GAN: variants seen among roughly 807,000 people sequenced by gnomAD.
GAN encodes the protein gigaxonin.
GAN carries 48 observed loss-of-function variants against 71.3 expected under a neutral mutation model. The observed-to-expected ratio is 0.67, with a 90% CI of 0.53 to 0.86. GAN has a LOEUF of 0.86. GAN is among the 40% of genes least tolerant of loss of function. GAN has a pLI of 0.00. For missense variants in GAN, 928 were observed against 770.1 expected, an observed-to-expected ratio of 1.21 and a Z score of -2.43; for synonymous variants, 386 against 276.8, an observed-to-expected ratio of 1.39 and a Z score of -3.92.
At chr16:81,355,469 A>G (rs527245618) in intron 3 of GAN, among the ~76,000 whole-genome samples, 4 of 152,194 alleles carry the variant, frequency 2.6e-5, no homozygotes, top group African/African-American at 7.2e-5. Flanking sequence ...GGCTGAAGTG[A>G]TCTTCCCACC....
At chr16:81,349,641 C>G (rs1317632782) in intron 1 of GAN, among the ~76,000 whole-genome samples, 1 of 152,092 alleles carries the variant, frequency 6.6e-6, no homozygotes, top group African/African-American at 2.4e-5. Context: ...GAGACCCTGT[C>G]TCAAAAACAA....
chr16:81,377,413 A>G lies in GAN; in HGVS notation c.1613-2A>G. 2 of 1,612,936 alleles carry G rather than the reference A, an allele frequency of 1.2e-6. No homozygotes were observed. The highest frequency in any genetic ancestry group is 1.7e-6 in the Non-Finnish European group (2 of 1,178,912). ...TCACCCTTGCTTATTTCTGTGGCTT[A>G]GGTACCAATTACGACTACGTGCGTG... On this transcript the variant is annotated splice_acceptor_variant, in intron 10 of 10. Transcript: ENST00000648994. LOFTEE classifies it high-confidence loss of function.
intron 9 of GAN, 50 bp from the exon 10 acceptor site, chr16:81,377,169 G>A (rs377656670): frequency 3.7e-6 from 4 of 1,073,628 alleles, no homozygotes; most frequent in Non-Finnish European, 5.8e-6. Context: ...CCTAGATGTT[G>A]TTGTCATCCT....
intron 1 of GAN, among the ~76,000 whole-genome samples, chr16:81,344,409 A>T (rs184395682): frequency 7.2e-4 from 110 of 152,320 alleles, no homozygotes; most frequent in African/African-American, 2.6e-3. Flanking sequence ...TGGTACTGGT[A>T]CCAAACAGAT....
rs1904344357 is a variant in GAN at position 81,384,446 on chromosome 16, T to G, written c.*6850T>G. The G allele has an allele frequency of 6.6e-6, 1 of 152,106 alleles. No individual in the cohort carries two copies. The highest frequency in any genetic ancestry group is 2.4e-5 in the African/African-American group (1 of 41,432). The allele number at this position is 152,106 out of a possible 1,614,324, so 9.4% of individuals were successfully genotyped here. On this transcript the variant is annotated 3_prime_UTR_variant, in exon 11 of 11. Transcript: ENST00000648994. ...AGGCTGTTTTCATAATGCAGAAAAG[T>G]AGTCTATTTAAACGCCACTGCTGTG... is the stretch of plus-strand genomic sequence containing the variant.
rs979159517 is a variant in GAN at position 81,378,339 on chromosome 16, T to C, written c.*743T>C. The C allele has an allele frequency of 1.3e-5, 2 of 152,768 alleles. No individual in the cohort carries two copies. The highest frequency in any genetic ancestry group is 4.8e-5 in the African/African-American group (2 of 41,444). 9.5% of individuals were successfully genotyped at this position (152,768 alleles called of 1,614,324 possible). A position where few individuals can be genotyped will look rare whatever the true frequency, so the allele number is the denominator to read the frequency against. On this transcript the variant is annotated 3_prime_UTR_variant, in exon 11 of 11. Transcript: ENST00000648994. ...ATCAAGACACGTCACGCATCCTTTCTGGGGTAGTACCTGTGGAGCCGGGAA... is the reference window on the plus strand; with the variant it reads ...ATCAAGACACGTCACGCATCCTTTCCGGGGTAGTACCTGTGGAGCCGGGAA...
intron 3 of GAN, among the ~76,000 whole-genome samples, chr16:81,355,315 C>A (rs770136736): frequency 1.8e-4 from 27 of 152,116 alleles, no homozygotes; most frequent in South Asian, 4.1e-4. Flanking sequence ...GCCTCTAGAT[C>A]CAAATTGTGA....
intron 5 of GAN, among the ~76,000 whole-genome samples, chr16:81,360,948 G>A (rs1395793250): frequency 1.3e-5 from 2 of 152,166 alleles, no homozygotes; most frequent in Non-Finnish European, 2.9e-5. Context: ...TAGCAGCCGG[G>A]CGCAGTGGCT....
rs1307794958 is a variant in GAN, at chr16:81,378,722, C to T, written c.*1126C>T. 6.6e-6 allele frequency: 1 copy of T among 152,616 alleles called. No individual in the cohort carries two copies. The highest frequency in any genetic ancestry group is 1.5e-5 in the Non-Finnish European group (1 of 68,040). 9.5% of individuals were successfully genotyped at this position (152,616 alleles called of 1,614,324 possible). A position where few individuals can be genotyped will look rare whatever the true frequency, so the allele number is the denominator to read the frequency against. ...AAATTATGTTACGAGTAAAGTTTGG[C>T]TGGTAGAATAAACTACCTCAACTTA... On this transcript the variant is annotated 3_prime_UTR_variant, in exon 11 of 11. Coordinates refer to ENST00000648994, the MANE Select transcript of GAN (RefSeq NM_022041.4).
At position 81,357,014 on chromosome 16, in the gene GAN, G is replaced by A; in HGVS notation, c.851+12G>A. ...GGAGAAGAGAGAGTGTAAGTATGAG[G>A]TGGGACTTGTTTGAAAAGTGGTGTA... On this transcript the variant is annotated intron_variant, in intron 4 of 10. Coordinates refer to ENST00000648994, the MANE Select transcript of GAN (RefSeq NM_022041.4). The A allele has an allele frequency of 6.6e-7, 1 of 1,516,922 alleles. No homozygotes were observed. The highest frequency in any genetic ancestry group is 1.1e-5 in the South Asian group (1 of 89,096). 94.0% of individuals were successfully genotyped at this position (1,516,922 alleles called of 1,614,324 possible).
At chr16:81,362,389 A>C in intron 5 of GAN, 110 bp from the exon 6 acceptor site, 1 of 727,352 alleles carries the variant, frequency 1.4e-6, no homozygotes, top group Non-Finnish European at 2.5e-6. Flanking sequence ...TCCAAAGAGA[A>C]CATTGTTGTC....
chr16:81,377,629 C>A lies in GAN; in HGVS notation c.*33C>A. On this transcript the variant is annotated 3_prime_UTR_variant, in exon 11 of 11. Transcript: ENST00000648994. ...GCAGAGCAGAGTGCGAGATCCTGAC[C>A]CAAGAGCACCATAACATAGCTCCGA... 6.3e-7 allele frequency: 1 copy of A among 1,575,348 alleles called. No individual in the cohort carries two copies. The highest frequency in any genetic ancestry group is 8.7e-7 in the Non-Finnish European group (1 of 1,145,076).
At chr16:81,369,485 T>C (rs1451717093) in intron 9 of GAN, among the ~76,000 whole-genome samples, 3 of 152,256 alleles carry the variant, frequency 2.0e-5, no homozygotes, top group South Asian at 2.1e-4. Flanking sequence ...AAACATGTTA[T>C]CAATTTTAAA....
At position 81,364,964 on chromosome 16, in the gene GAN, C is replaced by G. The variant is rs767720771; in HGVS notation, c.1237-10C>G. On this transcript the variant is annotated splice_polypyrimidine_tract_variant and intron_variant, in intron 7 of 10. Transcript: ENST00000648994. ...GTTGCCTCTCCCCCACCATTGTTCT[C>G]TGCTTTCAGATCGGCTGCTATGCAG... is the stretch of plus-strand genomic sequence containing the variant. 4.3e-6 allele frequency: 7 copies of G among 1,613,916 alleles called. No individual in the cohort carries two copies. The East Asian group carries it at 6.7e-5, about 15-fold the overall frequency.
chr16:81,368,237 C>T (rs1910924676), intron 9 of GAN, among the ~76,000 whole-genome samples: 1 of 152,196 alleles, frequency 6.6e-6, no homozygotes, highest in Non-Finnish European at 1.5e-5. Flanking sequence ...GACGGTTTCT[C>T]TATTTCTGTT....
rs1904293081 is a variant in GAN, at chr16:81,379,130, A to C, written c.*1534A>C. The C allele has an allele frequency of 6.6e-6, 1 of 152,162 alleles. No homozygotes were observed. Among genetic ancestry groups the C allele is most frequent in the African/African-American group, 2.4e-5 (1 of 41,438 alleles). The allele number at this position is 152,162 out of a possible 1,614,324, so 9.4% of individuals were successfully genotyped here. A position where few individuals can be genotyped will look rare whatever the true frequency, so the allele number is the denominator to read the frequency against. On this transcript the variant is annotated 3_prime_UTR_variant, in exon 11 of 11. Transcript: ENST00000648994. ...AAAGGTATCCTTTGGTTTTAAGTCG[A>C]GAACAGGAATTTCTTCTAGAAACTT...
intron 1 of GAN, among the ~76,000 whole-genome samples, chr16:81,340,664 C>T (rs1425236347): frequency 1.3e-5 from 2 of 152,080 alleles, no homozygotes; most frequent in African/African-American, 2.4e-5. Flanking sequence ...GTAGATAAAA[C>T]CACAAAGATG....
At chr16:81,338,282 TTAA>T (rs1310895745) in intron 1 of GAN, among the ~76,000 whole-genome samples, 1 of 152,126 alleles carries the variant, frequency 6.6e-6, no homozygotes, top group Non-Finnish European at 1.5e-5. Flanking sequence ...CATGTAATAA[TTAA>T]AAAGAATATT....
At chr16:81,323,692 G>A (rs905640677) in intron 1 of GAN, among the ~76,000 whole-genome samples, 2 of 152,204 alleles carry the variant, frequency 1.3e-5, no homozygotes, top group Admixed American at 1.3e-4. Flanking sequence ...ATACACAGGA[G>A]ATAACTCAAG....
Sources: gnomAD v4.1 joint callset for allele counts (sites outside exome capture counted in the v4.1 genomes callset) on GRCh38, gnomAD v4.1.1 for gene constraint, MANE v1.5 for transcripts, NCBI Gene and HGNC (gene_info 2026-07-23, HGNC 2026-07-21) for gene names.